Variants in ERLEC1 observed in about 807,000 individuals in gnomAD.
ERLEC1 encodes the protein endoplasmic reticulum lectin 1, also known as ER lectin.
In ERLEC1, 47 loss-of-function variants were observed where a neutral mutation model predicts 68.0. The ratio of observed to expected loss-of-function variants is 0.69; its 90% CI spans 0.55 to 0.88. The LOEUF is 0.88. Among genes scored for constraint, ERLEC1 ranks in the 40% least tolerant of loss-of-function variants. The probability of loss-of-function intolerance (pLI) is 0.00; values close to 1 mark genes in which losing one functional copy is unlikely to be tolerated. For missense variants in ERLEC1, 567 were observed against 583.8 expected (o/e 0.97, Z 0.30); for synonymous variants, 225 against 203.2 (o/e 1.11, Z -0.91).
At chr2:53,787,572 T>C (rs1312915351) in intron 1 of ERLEC1, 200 bp downstream of exon 1, 3 of 517,698 alleles carry the variant, frequency 5.8e-6, no homozygotes, top group Non-Finnish European at 9.7e-6. Context: ...TGCTGAGCAT[T>C]AGGGATCCAG....
At position 53,805,243 on chromosome 2, in the gene ERLEC1, G is replaced by A. The variant is rs188812517; in HGVS notation, c.880-3056G>A. ...TCACCATCTTGGGCAAGCTGGTCTC[G>A]AACTCCTGACCTCAGATGATCCACC... On this transcript the variant is annotated intron_variant, in intron 8 of 13. Transcript: ENST00000185150. 1.8e-3 allele frequency among the ~76,000 whole-genome samples: 273 copies of A among 151,984 alleles called. 1 individual carries two copies. Among genetic ancestry groups the A allele is most frequent in the African/African-American group, 6.2e-3 (255 of 41,440 alleles).
At chr2:53,796,101 TTG>T in intron 3 of ERLEC1, 88 bp downstream of exon 3, 1 of 927,928 alleles carries the variant, frequency 1.1e-6, no homozygotes, top group East Asian at 2.6e-5. Flanking sequence ...CTTTATTATG[TTG>T]TGTCAGGTTT....
chr2:53,791,254 A>G (rs1221771476), intron 1 of ERLEC1, among the ~76,000 whole-genome samples: 1 of 152,274 alleles, frequency 6.6e-6, no homozygotes, highest in African/African-American at 2.4e-5. Flanking sequence ...GTTTCACTAT[A>G]TTAAAATTTG....
chr2:53,790,349 C>T (rs990339684), intron 1 of ERLEC1, among the ~76,000 whole-genome samples: 12 of 152,108 alleles, frequency 7.9e-5, no homozygotes, highest in Non-Finnish European at 1.3e-4. Flanking sequence ...CCGCCCACCT[C>T]GGCCTCCCAA....
At chr2:53,816,886 C>T (rs966660757) in intron 13 of ERLEC1, among the ~76,000 whole-genome samples, 1 of 152,016 alleles carries the variant, frequency 6.6e-6, no homozygotes, top group Non-Finnish European at 1.5e-5. Flanking sequence ...TATTCTGCTC[C>T]ATTCTTTTTC....
chr2:53,799,083 C>A lies in ERLEC1; in HGVS notation c.525+2C>A. 1 of 1,611,328 alleles carries A rather than the reference C, an allele frequency of 6.2e-7. No individual in the cohort carries two copies. The highest frequency in any genetic ancestry group is 8.5e-7 in the Non-Finnish European group (1 of 1,178,298). ...GAAGAAAAGGAAAAATCAAATGAGG[C>A]AAGTGACAGATGTTGATTTTTTTCC... On this transcript the variant is annotated splice_donor_variant, in intron 6 of 13. Transcript: ENST00000185150. LOFTEE classifies it high-confidence loss of function.
intron 1 of ERLEC1, among the ~76,000 whole-genome samples, chr2:53,790,210 C>T (rs1186881500): frequency 6.6e-6 from 1 of 151,820 alleles, no homozygotes; most frequent in Non-Finnish European, 1.5e-5. Flanking sequence ...TCTTGTTGCC[C>T]AGCCTCCCCA....
Position 53,814,575 on chromosome 2 carries a change from T to G in ERLEC1, c.1259T>G (p.Ile420Ser). The change falls in exon 12 of 14, where the codon ATT becomes AGT. Residue 420 changes from isoleucine to serine, a missense_variant. Coordinates refer to ENST00000185150, the MANE Select transcript of ERLEC1 (RefSeq NM_015701.5). ...MVSHFYGNGD[I>S]CDITDKPRQV... ...TCACATTTTTATGGAAATGGAGATATTTGTGATATAACTGACAAACCAAGA... is the reference window on the plus strand; with the variant it reads ...TCACATTTTTATGGAAATGGAGATAGTTGTGATATAACTGACAAACCAAGA... 1 of 1,612,128 alleles carries G rather than the reference T, an allele frequency of 6.2e-7. No homozygotes were observed. The highest frequency in any genetic ancestry group is 1.1e-5 in the South Asian group (1 of 90,816).
At chr2:53,812,152 G>A (rs969976188) in intron 10 of ERLEC1, among the ~76,000 whole-genome samples, 5 of 152,106 alleles carry the variant, frequency 3.3e-5, no homozygotes, top group Non-Finnish European at 5.9e-5. Context: ...GACCTCAGGT[G>A]ATTTCGCCCA....
chr2:53,802,263 C>T (rs1056227741), intron 8 of ERLEC1, among the ~76,000 whole-genome samples: 10 of 152,188 alleles, frequency 6.6e-5, no homozygotes, highest in Non-Finnish European at 1.5e-5. Context: ...GCCTACTGGG[C>T]ATAGCCATAT....
chr2:53,792,103 A>T (rs1675437649), intron 1 of ERLEC1, among the ~76,000 whole-genome samples: 1 of 151,790 alleles, frequency 6.6e-6, no homozygotes, highest in African/African-American at 2.4e-5. Flanking sequence ...TTTAGTAGAG[A>T]CAGGGTTTCA....
intron 9 of ERLEC1, among the ~76,000 whole-genome samples, chr2:53,808,963 C>A (rs766234049): frequency 6.6e-6 from 1 of 152,186 alleles, no homozygotes; most frequent in African/African-American, 2.4e-5. Flanking sequence ...AATTTTGACC[C>A]TGACTCTTAG....
chr2:53,811,688 C>G (rs1458741314), intron 10 of ERLEC1, among the ~76,000 whole-genome samples: 1 of 152,134 alleles, frequency 6.6e-6, no homozygotes, highest in Non-Finnish European at 1.5e-5. Context: ...GGTTCAATAA[C>G]TTGCCTAAAG....
chr2:53,803,606 A>C (rs987661839), intron 8 of ERLEC1, among the ~76,000 whole-genome samples: 1 of 152,030 alleles, frequency 6.6e-6, no homozygotes, highest in African/African-American at 2.4e-5. Flanking sequence ...CAAAAAAAAA[A>C]AAAAAAATTC....
At chr2:53,794,258 G>A in intron 1 of ERLEC1, 87 bp from the exon 2 acceptor site, 1 of 558,206 alleles carries the variant, frequency 1.8e-6, no homozygotes, top group Non-Finnish European at 3.1e-6. Flanking sequence ...TTAGTTTAAA[G>A]AATCTTTTTT....
intron 1 of ERLEC1, chr2:53,788,845 T>C (rs1311265740): frequency 1.3e-5 from 2 of 152,184 alleles, no homozygotes; most frequent in Non-Finnish European, 2.9e-5. Flanking sequence ...TAATACCTGT[T>C]GTTGTATCCA....
At position 53,787,074 on chromosome 2, in the gene ERLEC1, A is replaced by C. The variant is rs1029868639; in HGVS notation, c.-137A>C. ...CGGCGTTGCCGGGCTCTCCGGAAGG[A>C]GACGTGGCGGCGGTTGGGCCGGTGA... On this transcript the variant is annotated 5_prime_UTR_variant, in exon 1 of 14. Transcript: ENST00000185150. 30 of 1,219,750 alleles carry C rather than the reference A, an allele frequency of 2.5e-5. No homozygotes were observed. The highest frequency in any genetic ancestry group is 3.2e-5 in the Non-Finnish European group (29 of 916,542). 75.6% of individuals were successfully genotyped at this position (1,219,750 alleles called of 1,614,324 possible).
rs749415188 is a variant in ERLEC1 at position 53,809,298 on chromosome 2, T to C, written c.1101+25T>C. Reference sequence around the variant, plus strand: ...GGTATAGAATAGCATTTATATATCATTCTACCACTAGATGGTTTAAAGTTT... The same window carrying C: ...GGTATAGAATAGCATTTATATATCACTCTACCACTAGATGGTTTAAAGTTT... On this transcript the variant is annotated intron_variant, in intron 10 of 13. Transcript: ENST00000185150. 4 of 1,448,176 alleles carry C rather than the reference T, an allele frequency of 2.8e-6. No homozygotes were observed. In the East Asian group the frequency reaches 1.0e-4, roughly 38 times the overall value. The allele number at this position is 1,448,176 out of a possible 1,614,324, so 89.7% of individuals were successfully genotyped here.
At position 53,797,629 on chromosome 2, in the gene ERLEC1, T is replaced by C. The variant is rs1423775803; in HGVS notation, c.426+37T>C. On this transcript the variant is annotated intron_variant, in intron 4 of 13. Coordinates refer to ENST00000185150, the MANE Select transcript of ERLEC1 (RefSeq NM_015701.5). ...TTCAAAATATTATTATGAAACATTA[T>C]AAGATGAGAACTTTAATAATGAGAT... The C allele has an allele frequency of 2.5e-6, 4 of 1,586,408 alleles. No individual in the cohort carries two copies. In the South Asian group the frequency reaches 4.5e-5, roughly 18 times the overall value.
Sources: allele counts gnomAD v4.1 joint callset (sites outside exome capture counted in the v4.1 genomes callset), GRCh38; gene constraint gnomAD v4.1.1; transcripts MANE v1.5; gene names NCBI Gene and HGNC (gene_info 2026-07-23, HGNC 2026-07-21).